LRRTM4: variants seen among roughly 807,000 people sequenced by gnomAD.
LRRTM4 encodes the protein leucine-rich repeat transmembrane neuronal protein 4.
LRRTM4 carries 25 observed loss-of-function variants against 47.6 expected under a neutral mutation model. The observed-to-expected ratio is 0.53, with a 90% CI of 0.38 to 0.73. The LOEUF (loss-of-function observed/expected upper bound fraction) is 0.73, where lower values mean the gene tolerates loss of function less well. LRRTM4 is among the 30% of genes least tolerant of loss of function. The pLI is 0.00. For synonymous variants in LRRTM4, 311 were observed against 269.5 expected (o/e 1.15, Z -1.51); for missense variants, 638 against 713.4 (o/e 0.89, Z 1.20).
chr2:77,375,075 C>A (rs1392369223), intron 3 of LRRTM4, among the ~76,000 whole-genome samples: 1 of 151,680 alleles, frequency 6.6e-6, no homozygotes, highest in East Asian at 1.9e-4. Context: ...TACATTCACT[C>A]TTTTCTTCTT....
At position 76,789,544 on chromosome 2, in the gene LRRTM4, G is replaced by C. The variant is rs75144107; in HGVS notation, c.1552-40628C>G. On this transcript the variant is annotated intron_variant, in intron 3 of 3. Transcript: ENST00000409884. ...AATGAGGGTTTGTTTCTGAGGTCCT[G>C]TGGCACCAGCCACATACCTTTTTAT... Among the ~76,000 whole-genome samples the C allele has an allele frequency of 5.2e-3, 788 of 152,328 alleles. 1 individual carries two copies. Among genetic ancestry groups the C allele is most frequent in the Non-Finnish European group, 8.8e-3 (601 of 68,022 alleles).
At chr2:77,211,549 G>A (rs1459820978) in intron 3 of LRRTM4, among the ~76,000 whole-genome samples, 1 of 152,086 alleles carries the variant, frequency 6.6e-6, no homozygotes, top group Non-Finnish European at 1.5e-5. Flanking sequence ...CAAATACTTA[G>A]GATCCTTATC....
intron 3 of LRRTM4, among the ~76,000 whole-genome samples, chr2:77,434,209 T>G (rs1044467240): frequency 6.6e-6 from 1 of 151,548 alleles, no homozygotes; most frequent in Non-Finnish European, 1.5e-5. Context: ...GACACAATCA[T>G]GTGTGTAGAC....
chr2:77,050,458 T>C (rs759048954), intron 3 of LRRTM4, among the ~76,000 whole-genome samples: 5 of 152,190 alleles, frequency 3.3e-5, no homozygotes, highest in African/African-American at 7.2e-5. Context: ...CCATTTGGAC[T>C]TGAAGCTTGA....
At chr2:77,319,749 C>T (rs1423072359) in intron 3 of LRRTM4, among the ~76,000 whole-genome samples, 1 of 152,182 alleles carries the variant, frequency 6.6e-6, no homozygotes, top group Non-Finnish European at 1.5e-5. Context: ...ACTAAGGACA[C>T]CTACATTTTG....
chr2:77,480,822 G>GTGTGGGGAGAGA (rs1222517611), intron 3 of LRRTM4, among the ~76,000 whole-genome samples: 1 of 74,500 alleles, frequency 1.3e-5, no homozygotes, highest in Non-Finnish European at 2.4e-5. Flanking sequence ...GTGTGTGTGT[G>GTGTGGGGAGAGA]GAGAGAGAGA....
intron 3 of LRRTM4, among the ~76,000 whole-genome samples, chr2:76,797,093 C>A (rs973148685): frequency 1.3e-5 from 2 of 152,002 alleles, no homozygotes; most frequent in African/African-American, 4.8e-5. Flanking sequence ...GGCCAACGTT[C>A]AGATTCAGGA....
At chr2:76,861,767 G>A (rs62173106) in intron 3 of LRRTM4, among the ~76,000 whole-genome samples, 3 of 152,140 alleles carry the variant, frequency 2.0e-5, no homozygotes, top group Non-Finnish European at 4.4e-5. Context: ...CCAAATTGGA[G>A]CACGGCATGA....
At chr2:76,870,254 G>A (rs1016639934) in intron 3 of LRRTM4, among the ~76,000 whole-genome samples, 2 of 152,090 alleles carry the variant, frequency 1.3e-5, no homozygotes, top group African/African-American at 4.8e-5. Flanking sequence ...ATTGCATTTG[G>A]ATCTGTGAAG....
At chr2:77,412,461 A>T (rs933339646) in intron 3 of LRRTM4, among the ~76,000 whole-genome samples, 18 of 152,206 alleles carry the variant, frequency 1.2e-4, no homozygotes, top group African/African-American at 4.1e-4. Context: ...ACCAGTGTTT[A>T]ATCTTGGGAT....
intron 3 of LRRTM4, among the ~76,000 whole-genome samples, chr2:77,092,767 A>G (rs2103890879): frequency 6.9e-6 from 1 of 143,892 alleles, no homozygotes. Flanking sequence ...TCCCACCTCA[A>G]TACAGTCTGA....
At chr2:76,906,015 G>T (rs1218260001) in intron 3 of LRRTM4, among the ~76,000 whole-genome samples, 1 of 152,026 alleles carries the variant, frequency 6.6e-6, no homozygotes, top group South Asian at 2.1e-4. Flanking sequence ...GATACTCCTC[G>T]AGAAGAGCAA....
At chr2:76,978,633 TAC>T (rs1676496987) in intron 3 of LRRTM4, among the ~76,000 whole-genome samples, 1 of 152,068 alleles carries the variant, frequency 6.6e-6, no homozygotes, top group Non-Finnish European at 1.5e-5. Flanking sequence ...AACACATATT[TAC>T]AGAGGTTCTA....
At chr2:76,839,311 T>G (rs1671606580) in intron 3 of LRRTM4, among the ~76,000 whole-genome samples, 1 of 152,088 alleles carries the variant, frequency 6.6e-6, no homozygotes, top group South Asian at 2.1e-4. Flanking sequence ...CATTCACAGT[T>G]CTACTCAGGT....
At chr2:76,844,419 G>C (rs1259452415) in intron 3 of LRRTM4, among the ~76,000 whole-genome samples, 1 of 152,154 alleles carries the variant, frequency 6.6e-6, no homozygotes, top group East Asian at 1.9e-4. Flanking sequence ...ACAGGTGTGA[G>C]CCACCGTGCC....
At chr2:77,251,247 G>A (rs1227730980) in intron 3 of LRRTM4, among the ~76,000 whole-genome samples, 2 of 73,220 alleles carry the variant, frequency 2.7e-5, no homozygotes, top group Non-Finnish European at 4.9e-5. Flanking sequence ...GTGTGTGTGT[G>A]TGTATATATA....
chr2:76,987,563 T>C (rs1223015633), intron 3 of LRRTM4: 1 of 151,956 alleles, frequency 6.6e-6, no homozygotes, highest in Non-Finnish European at 1.5e-5. Flanking sequence ...TTGCTTACAA[T>C]AATCTAAGTA....
chr2:77,071,185 G>A (rs575146433), intron 3 of LRRTM4, among the ~76,000 whole-genome samples: 14 of 152,166 alleles, frequency 9.2e-5, no homozygotes, highest in East Asian at 3.9e-4. Flanking sequence ...CGCAAAGGAC[G>A]TAAAAATGAT....
chr2:77,503,415 T>A (rs1344255), intron 3 of LRRTM4, among the ~76,000 whole-genome samples: 1 of 151,346 alleles, frequency 6.6e-6, no homozygotes, highest in Non-Finnish European at 1.5e-5. Context: ...ATACCAGGAA[T>A]AAAAACGTGG....
Sources: gnomAD v4.1 joint callset for allele counts (sites outside exome capture counted in the v4.1 genomes callset) on GRCh38, gnomAD v4.1.1 for gene constraint, MANE v1.5 for transcripts, NCBI Gene and HGNC (gene_info 2026-07-23, HGNC 2026-07-21) for gene names.